Variants in LIMS1 observed in about 807,000 individuals in gnomAD.
LIMS1 encodes the protein LIM and senescent cell antigen-like-containing domain protein 1.
LIMS1 carries 18 observed loss-of-function variants against 44.1 expected under a neutral mutation model. That is an observed-to-expected ratio of 0.41 (90% CI 0.28 to 0.61). The LOEUF (loss-of-function observed/expected upper bound fraction) is 0.61. Ranked by LOEUF, LIMS1 falls within the 20% of genes least tolerant of loss-of-function variation. The pLI, the probability that LIMS1 is intolerant of heterozygous loss-of-function variation, is 0.32. For missense variants in LIMS1, 201 were observed against 422.0 expected (o/e 0.48, Z 4.59); for synonymous variants, 93 against 149.1 (o/e 0.62, Z 2.74).
At chr2:108,599,880 T>A (rs1430919272) in intron 1 of LIMS1, among the ~76,000 whole-genome samples, 1 of 151,878 alleles carries the variant, frequency 6.6e-6, no homozygotes, top group Non-Finnish European at 1.5e-5. Context: ...GATTATTATA[T>A]TTGATTTTTT....
At chr2:108,605,440 G>A (rs761890140) in intron 1 of LIMS1, among the ~76,000 whole-genome samples, 1 of 152,100 alleles carries the variant, frequency 6.6e-6, no homozygotes, top group Non-Finnish European at 1.5e-5. Flanking sequence ...AAACCTACAT[G>A]TGTCAAGCTA....
intron 1 of LIMS1, among the ~76,000 whole-genome samples, chr2:108,609,660 C>G (rs971499961): frequency 6.6e-6 from 1 of 152,104 alleles, no homozygotes; most frequent in African/African-American, 2.4e-5. Context: ...TATTTAACAT[C>G]CTCAGATATG....
intron 1 of LIMS1, among the ~76,000 whole-genome samples, chr2:108,539,495 C>T (rs1312599133): frequency 2.0e-5 from 3 of 152,188 alleles, no homozygotes; most frequent in Admixed American, 1.3e-4. Flanking sequence ...TTGGCCCTGT[C>T]AGCGTCTTTA....
chr2:108,629,723 T>TC (rs1461293738), intron 1 of LIMS1, among the ~76,000 whole-genome samples: 1 of 152,232 alleles, frequency 6.6e-6, no homozygotes, highest in Non-Finnish European at 1.5e-5. Flanking sequence ...GTCATTTTTT[T>TC]CCCAGACAGG....
chr2:108,642,383 G>T (rs1187172204), intron 1 of LIMS1, among the ~76,000 whole-genome samples: 2 of 114,412 alleles, frequency 1.7e-5, no homozygotes, highest in Non-Finnish European at 3.4e-5. Flanking sequence ...TTTTTGAGAC[G>T]GAGTCTCGCT....
intron 1 of LIMS1, among the ~76,000 whole-genome samples, chr2:108,566,574 T>C (rs954309826): frequency 4.6e-5 from 7 of 152,098 alleles, no homozygotes; most frequent in African/African-American, 1.7e-4. Context: ...TGTCGTAAAA[T>C]GCCAACATAA....
intron 1 of LIMS1, among the ~76,000 whole-genome samples, chr2:108,635,760 G>A (rs1422118109): frequency 6.8e-6 from 1 of 148,056 alleles, no homozygotes; most frequent in African/African-American, 2.5e-5. Context: ...TTATTATTCT[G>A]TACCTTTACG....
chr2:108,665,948 G>A, intron 2 of LIMS1, among the ~76,000 whole-genome samples: 1 of 152,152 alleles, frequency 6.6e-6, no homozygotes, highest in South Asian at 2.1e-4. Context: ...TGTGAATGAG[G>A]TGGATAGAAA....
At chr2:108,664,608 A>T (rs922097557) in intron 2 of LIMS1, among the ~76,000 whole-genome samples, 2 of 152,226 alleles carry the variant, frequency 1.3e-5, no homozygotes, top group African/African-American at 4.8e-5. Context: ...AAATCTTCCC[A>T]ATTTATGATT....
chr2:108,607,811 G>T (rs1687357638), intron 1 of LIMS1, among the ~76,000 whole-genome samples: 1 of 152,130 alleles, frequency 6.6e-6, no homozygotes, highest in South Asian at 2.1e-4. Context: ...TCAAGTAGGG[G>T]CTCCTTGGGC....
intron 1 of LIMS1, among the ~76,000 whole-genome samples, chr2:108,562,157 C>T (rs10196891): frequency 0.021 from 3,218 of 152,254 alleles, 48 homozygotes; most frequent in Non-Finnish European, 0.025. Context: ...AACTGCTATA[C>T]TTACTGGCCA....
At chr2:108,590,856 G>A (rs1037479510) in intron 1 of LIMS1, among the ~76,000 whole-genome samples, 3 of 152,180 alleles carry the variant, frequency 2.0e-5, no homozygotes, top group Non-Finnish European at 4.4e-5. Context: ...TTCCGCTTTA[G>A]CCTGGAAGAT....
intron 1 of LIMS1, among the ~76,000 whole-genome samples, chr2:108,536,086 T>A (rs1684128102): frequency 6.6e-6 from 1 of 152,332 alleles, no homozygotes; most frequent in East Asian, 1.9e-4. Flanking sequence ...GAATAACGGA[T>A]ATGTAGTGTA....
intron 1 of LIMS1, among the ~76,000 whole-genome samples, chr2:108,643,521 C>T (rs1324557036): frequency 6.6e-6 from 1 of 152,166 alleles, no homozygotes; most frequent in East Asian, 1.9e-4. Context: ...CTGAAGCCTA[C>T]ACCACCAGGG....
At chr2:108,542,772 G>GC (rs1342404806) in intron 1 of LIMS1, among the ~76,000 whole-genome samples, 4 of 152,122 alleles carry the variant, frequency 2.6e-5, no homozygotes, top group Non-Finnish European at 5.9e-5. Context: ...TCAAGTCCCA[G>GC]CTTAAACTCC....
At chr2:108,644,699 T>C (rs547615361) in intron 1 of LIMS1, among the ~76,000 whole-genome samples, 2 of 151,986 alleles carry the variant, frequency 1.3e-5, no homozygotes, top group East Asian at 2.0e-4. Flanking sequence ...AACAAACTCC[T>C]CCGAGCTAAA....
intron 1 of LIMS1, among the ~76,000 whole-genome samples, chr2:108,640,723 C>T (rs1418291894): frequency 6.6e-6 from 1 of 152,230 alleles, no homozygotes; most frequent in African/African-American, 2.4e-5. Context: ...GCATGTAATG[C>T]ATAAGGATCA....
At chr2:108,567,559 T>G (rs561013167) in intron 1 of LIMS1, among the ~76,000 whole-genome samples, 10 of 152,194 alleles carry the variant, frequency 6.6e-5, no homozygotes, top group Admixed American at 4.6e-4. Context: ...GATGCCCTGT[T>G]TTCCTTTTCT....
Position 108,683,877 on chromosome 2 carries a change from G to A in LIMS1, c.900-8G>A, listed in dbSNP as rs1246245410. 7.1e-7 allele frequency: 1 copy of A among 1,404,922 alleles called. No individual in the cohort carries two copies. The highest frequency in any genetic ancestry group is 1.5e-5 in the African/African-American group (1 of 68,266). The allele number at this position is 1,404,922 out of a possible 1,614,324, so 87.0% of individuals were successfully genotyped here. A position where few individuals can be genotyped will look rare whatever the true frequency, so the allele number is the denominator to read the frequency against. On this transcript the variant is annotated splice_region_variant and splice_polypyrimidine_tract_variant and intron_variant, in intron 9 of 9. Coordinates refer to ENST00000544547, the Ensembl canonical transcript of LIMS1. ...AACTTCTTTTTTTTTATAATTTTTT[G>A]TCTTTAGGAATAAGTTTGTGGAGTT...
Sources: gnomAD v4.1 joint callset for allele counts (sites outside exome capture counted in the v4.1 genomes callset) on GRCh38, gnomAD v4.1.1 for gene constraint, MANE v1.5 for transcripts, NCBI Gene and HGNC (gene_info 2026-07-23, HGNC 2026-07-21) for gene names.